KREMEN1: variants seen among roughly 807,000 people sequenced by gnomAD.
The protein encoded by KREMEN1 is kremen protein 1.
KREMEN1 carries 30 observed loss-of-function variants against 46.5 expected under a neutral mutation model. The observed-to-expected ratio is 0.65, with a 90% CI of 0.48 to 0.88. The LOEUF is 0.88. Ranked by LOEUF, KREMEN1 falls within the 40% of genes least tolerant of loss-of-function variation. The pLI is 0.00. For synonymous variants in KREMEN1, 214 were observed against 230.6 expected (o/e 0.93, Z 0.65); for missense variants, 533 against 596.9 (o/e 0.89, Z 1.11).
At chr22:29,152,732 T>G (rs1179311785) in intron 9 of KREMEN1, among the ~76,000 whole-genome samples, 1 of 151,720 alleles carries the variant, frequency 6.6e-6, no homozygotes, top group Non-Finnish European at 1.5e-5. Flanking sequence ...AAAGACAGGG[T>G]CTCACTCTGT....
At chr22:29,165,820 C>T (rs577748051) in intron 9 of KREMEN1, among the ~76,000 whole-genome samples, 3 of 152,306 alleles carry the variant, frequency 2.0e-5, no homozygotes, top group South Asian at 2.1e-4. Flanking sequence ...CTCCTCCTGC[C>T]GGGTCCCTAG....
chr22:29,104,579 T>A (rs2038023128), intron 3 of KREMEN1, among the ~76,000 whole-genome samples: 1 of 152,228 alleles, frequency 6.6e-6, no homozygotes, highest in African/African-American at 2.4e-5. Flanking sequence ...AACTATTAGT[T>A]ATTGAGGTTA....
rs367580334 is a variant in KREMEN1 at position 29,079,019 on chromosome 22, CTGTCT to C, written c.97+5794_97+5798del. Among the ~76,000 whole-genome samples the C allele has an allele frequency of 1.1e-3, 160 of 152,312 alleles. 2 individuals are homozygous for C. The highest frequency in any genetic ancestry group is 6.9e-3 in the East Asian group (36 of 5,186). ...TCTGAGGTCACTCTATTTTTCCTCCCTGTCTTATCTTCATAGTTGTCCTCCCAAGA... is the reference window on the plus strand; with the variant it reads ...TCTGAGGTCACTCTATTTTTCCTCCCTATCTTCATAGTTGTCCTCCCAAGA... On this transcript the variant is annotated intron_variant, in intron 1 of 8. Transcript: ENST00000400335.
At chr22:29,098,727 A>G in intron 2 of KREMEN1, 135 bp from the exon 3 acceptor site, 1 of 658,876 alleles carries the variant, frequency 1.5e-6, no homozygotes, top group Non-Finnish European at 2.7e-6. Context: ...TTGATGAGAG[A>G]TGGCACTGAG....
At chr22:29,155,272 C>T (rs1374584952) in intron 9 of KREMEN1, among the ~76,000 whole-genome samples, 2 of 152,158 alleles carry the variant, frequency 1.3e-5, no homozygotes, top group African/African-American at 2.4e-5. Context: ...CAGTTGCTTA[C>T]GCCTGTAATC....
intron 9 of KREMEN1, among the ~76,000 whole-genome samples, chr22:29,156,811 GCT>G (rs2038966513): frequency 6.6e-6 from 1 of 152,148 alleles, no homozygotes; most frequent in African/African-American, 2.4e-5. Flanking sequence ...CTCGGACCAG[GCT>G]CCCCGCTCAA....
At chr22:29,162,068 G>A (rs1008023920) in intron 9 of KREMEN1, among the ~76,000 whole-genome samples, 5 of 151,134 alleles carry the variant, frequency 3.3e-5, no homozygotes, top group African/African-American at 1.2e-4. Context: ...AGTGAGCCGA[G>A]ATTGTGTCAC....
intron 9 of KREMEN1, among the ~76,000 whole-genome samples, chr22:29,154,973 A>G (rs1027763571): frequency 7.2e-5 from 11 of 152,140 alleles, no homozygotes; most frequent in Non-Finnish European, 1.5e-4. Flanking sequence ...ATGAAATCCT[A>G]TGTCACCATT....
chr22:29,157,322 G>T (rs1308882404), intron 9 of KREMEN1, among the ~76,000 whole-genome samples: 1 of 152,052 alleles, frequency 6.6e-6, no homozygotes, highest in African/African-American at 2.4e-5. Flanking sequence ...CGTGTCCAAG[G>T]CCCCACCATG....
At position 29,144,565 on chromosome 22, in the gene KREMEN1, C is replaced by G. The variant is rs2038822562; in HGVS notation, c.*2453C>G. 2.0e-6 allele frequency: 2 copies of G among 985,450 alleles called. No individual in the cohort carries two copies. Among genetic ancestry groups the G allele is most frequent in the Admixed American group, 6.1e-5 (1 of 16,270 alleles). The allele number at this position is 985,450 out of a possible 1,614,324, so 61.0% of individuals were successfully genotyped here. On this transcript the variant is annotated 3_prime_UTR_variant, in exon 9 of 9. Transcript: ENST00000400335. ...ACCGCTGGAAACATACCAACACGTGCAGTCTCCCCTCCAAGCTATTCATGC... is the reference window on the plus strand; with the variant it reads ...ACCGCTGGAAACATACCAACACGTGGAGTCTCCCCTCCAAGCTATTCATGC...
At chr22:29,121,220 TG>T (rs1420560729) in intron 3 of KREMEN1, 136 bp from the exon 4 acceptor site, 2 of 947,598 alleles carry the variant, frequency 2.1e-6, no homozygotes, top group African/African-American at 3.3e-5. Flanking sequence ...TTTTCAAAGC[TG>T]GTTGCTTGTT....
rs2038795268 is a variant in KREMEN1, at chr22:29,143,114, C to CG, written c.*1002_*1003insG. 20 of 809,924 alleles carry CG rather than the reference C, an allele frequency of 2.5e-5. No individual in the cohort carries two copies. The highest frequency in any genetic ancestry group is 2.7e-5 in the Non-Finnish European group (18 of 669,986). The allele number at this position is 809,924 out of a possible 1,614,324, so 50.2% of individuals were successfully genotyped here. The stretch of plus-strand genomic sequence containing the variant: ...GCAGTGAGCCGAGATCGCACCACTG[C>CG]ACTCCAGCCTGGGTGACAAGAGTGA... On this transcript the variant is annotated 3_prime_UTR_variant, in exon 9 of 9. Coordinates refer to ENST00000400335, the MANE Select transcript of KREMEN1 (RefSeq NM_001039570.3).
At chr22:29,137,965 A>G (rs1272215910) in intron 6 of KREMEN1, among the ~76,000 whole-genome samples, 2 of 152,362 alleles carry the variant, frequency 1.3e-5, no homozygotes, top group South Asian at 2.1e-4. Flanking sequence ...CAGAATAACT[A>G]AAAGGAACAG....
exon 10 of KREMEN1, chr22:29,167,464 T>G (rs2039063042): frequency 4.7e-6 from 1 of 212,702 alleles, no homozygotes; most frequent in Non-Finnish European, 9.4e-6. Flanking sequence ...TGCACCTTTC[T>G]CACCTACTTT....
rs560859253 is a variant in KREMEN1 at position 29,123,123 on chromosome 22, C to G, written c.477+1642C>G. Among the ~76,000 whole-genome samples, 237 of 151,732 alleles carry G rather than the reference C, an allele frequency of 1.6e-3. 2 individuals are homozygous for G. Among genetic ancestry groups the G allele is most frequent in the Non-Finnish European group, 1.2e-3 (80 of 67,936 alleles). On this transcript the variant is annotated intron_variant, in intron 4 of 8. Coordinates refer to ENST00000400335, the MANE Select transcript of KREMEN1 (RefSeq NM_001039570.3). ...TCTAGAAGACGATATAAGAGAAAAT[C>G]TTCATGACTTGAGTTTAGGCAAAAA...
chr22:29,105,123 A>C (rs2038034887), intron 3 of KREMEN1, among the ~76,000 whole-genome samples: 1 of 152,120 alleles, frequency 6.6e-6, no homozygotes, highest in Non-Finnish European at 1.5e-5. Flanking sequence ...GGTGAGCAAA[A>C]GGTTCGGAGC....
At position 29,102,937 on chromosome 22, in the gene KREMEN1, G is replaced by A. The variant is rs367864337; in HGVS notation, c.352+3984G>A. ...GGAAAACCCTTCAGTTTACCCTGTG[G>A]GGACCAGGGCTCCCCATCAAGCCGG... On this transcript the variant is annotated intron_variant, in intron 3 of 8. Transcript: ENST00000400335. Among the ~76,000 whole-genome samples, 25 of 152,194 alleles carry A rather than the reference G, an allele frequency of 1.6e-4. No individual in the cohort carries two copies. The South Asian group carries it at 5.2e-3, about 32-fold the overall frequency.
At chr22:29,133,386 A>AC (rs1373401419) in intron 5 of KREMEN1, among the ~76,000 whole-genome samples, 2 of 151,212 alleles carry the variant, frequency 1.3e-5, no homozygotes, top group Non-Finnish European at 2.9e-5. Flanking sequence ...TGCAGCCTCG[A>AC]CCCCCCTGGG....
intron 5 of KREMEN1, among the ~76,000 whole-genome samples, chr22:29,126,699 G>A (rs1569328888): frequency 6.6e-6 from 1 of 152,200 alleles, no homozygotes; most frequent in Non-Finnish European, 1.5e-5. Flanking sequence ...ACCCAGCCAA[G>A]GTTTATAACT....
Sources: allele counts gnomAD v4.1 joint callset (sites outside exome capture counted in the v4.1 genomes callset), GRCh38; gene constraint gnomAD v4.1.1; transcripts MANE v1.5; gene names NCBI Gene and HGNC (gene_info 2026-07-23, HGNC 2026-07-21).